Variants in CCDC158 observed in about 807,000 individuals in gnomAD.
CCDC158 encodes coiled-coil domain-containing protein 158.
CCDC158 carries 116 observed loss-of-function variants against 138.6 expected under a neutral mutation model. That is an observed-to-expected ratio of 0.84 (90% CI 0.72 to 0.98). The LOEUF is 0.98. CCDC158 is among the 50% of genes least tolerant of loss of function. CCDC158 has a pLI of 0.00. For missense variants in CCDC158, 1,265 were observed against 1,306.1 expected (o/e 0.97, Z 0.48); for synonymous variants, 436 against 442.4 (o/e 0.99, Z 0.18).
chr4:76,382,557 A>T lies in CCDC158; in HGVS notation c.914+53T>A, dbSNP rs1011313237. The T allele has an allele frequency of 1.9e-5, 21 of 1,085,888 alleles. 1 individual carries two copies. In the Admixed American group the frequency reaches 4.1e-4, roughly 21 times the overall value. The allele number at this position is 1,085,888 out of a possible 1,614,324, so 67.3% of individuals were successfully genotyped here. A position where few individuals can be genotyped will look rare whatever the true frequency, so the allele number is the denominator to read the frequency against. ...AAGATTATAGAACAGAAAGTTAATG[A>T]GAATAATATCTTTAAAATGAAGATG... is the stretch of plus-strand genomic sequence containing the variant. On this transcript the variant is annotated intron_variant, in intron 8 of 24. Coordinates refer to ENST00000682701, the MANE Select transcript of CCDC158 (RefSeq NM_001394954.1).
intron 17 of CCDC158, 142 bp downstream of exon 17, chr4:76,351,577 GT>G (rs1723042726): frequency 8.1e-6 from 5 of 617,260 alleles, no homozygotes; most frequent in African/African-American, 1.8e-5. Flanking sequence ...ATATAACAAT[GT>G]ACACATCTTA....
intron 9 of CCDC158, among the ~76,000 whole-genome samples, chr4:76,378,950 A>C (rs965090852): frequency 4.6e-5 from 7 of 152,154 alleles, no homozygotes; most frequent in Admixed American, 2.0e-4. Context: ...GGTAGGCCCC[A>C]AAAATATTGA....
At chr4:76,335,729 C>A (rs1447152183) in intron 18 of CCDC158, among the ~76,000 whole-genome samples, 1 of 152,116 alleles carries the variant, frequency 6.6e-6, no homozygotes, top group African/African-American at 2.4e-5. Flanking sequence ...TACAGGCCTG[C>A]ACCACCATGA....
intron 18 of CCDC158, among the ~76,000 whole-genome samples, chr4:76,342,420 G>A (rs1722143826): frequency 6.6e-6 from 1 of 152,116 alleles, no homozygotes; most frequent in South Asian, 2.1e-4. Flanking sequence ...TGTAAAACAG[G>A]TATAGTAATA....
chr4:76,396,212 TG>T, intron 4 of CCDC158, 56 bp downstream of exon 4: 1 of 1,238,346 alleles, frequency 8.1e-7, no homozygotes. Context: ...AACTACATAC[TG>T]GATCTCACTG....
At chr4:76,396,845 T>G (rs190866475) in intron 3 of CCDC158, among the ~76,000 whole-genome samples, 376 of 152,196 alleles carry the variant, frequency 2.5e-3, no homozygotes, top group Non-Finnish European at 3.9e-3. Context: ...TTAATTAACT[T>G]TTTCATAAAA....
intron 4 of CCDC158, among the ~76,000 whole-genome samples, chr4:76,394,259 A>G (rs537063096): frequency 1.3e-5 from 2 of 152,306 alleles, no homozygotes; most frequent in Admixed American, 6.5e-5. Flanking sequence ...ATGGATATAG[A>G]AAATGTGGTA....
intron 1 of CCDC158, among the ~76,000 whole-genome samples, chr4:76,420,584 G>T (rs1191040948): frequency 6.6e-6 from 1 of 152,190 alleles, no homozygotes; most frequent in Non-Finnish European, 1.5e-5. Context: ...TTCCGTCTTG[G>T]ATGCGAGGCT....
intron 24 of CCDC158, among the ~76,000 whole-genome samples, chr4:76,319,831 C>T (rs1719838469): frequency 6.6e-6 from 1 of 151,958 alleles, no homozygotes. Flanking sequence ...TCATAGCCAA[C>T]ATTATACTGA....
At chr4:76,335,026 T>C (rs1447285630) in intron 18 of CCDC158, among the ~76,000 whole-genome samples, 1 of 152,244 alleles carries the variant, frequency 6.6e-6, no homozygotes, top group Non-Finnish European at 1.5e-5. Context: ...GCTGAAGATA[T>C]GAGAGTTCCA....
At chr4:76,354,690 C>T (rs1207714812) in intron 15 of CCDC158, among the ~76,000 whole-genome samples, 2 of 152,150 alleles carry the variant, frequency 1.3e-5, no homozygotes, top group Non-Finnish European at 2.9e-5. Context: ...TACATGCACA[C>T]TCCTCAAACA....
At chr4:76,356,677 T>A (rs1723599572) in intron 14 of CCDC158, 1 of 152,176 alleles carries the variant, frequency 6.6e-6, no homozygotes, top group African/African-American at 2.4e-5. Context: ...CTTCTTTATA[T>A]CGTTCTAATT....
At chr4:76,384,698 T>G in intron 4 of CCDC158, 33 bp from the exon 5 acceptor site, 3 of 1,431,378 alleles carry the variant, frequency 2.1e-6, no homozygotes, top group Middle Eastern at 1.8e-4. Context: ...TTAATCTTCA[T>G]TAGAGAAACA....
At chr4:76,366,731 C>T (rs1249166511) in intron 12 of CCDC158, among the ~76,000 whole-genome samples, 1 of 151,782 alleles carries the variant, frequency 6.6e-6, no homozygotes, top group African/African-American at 2.4e-5. Context: ...GAGACCAAAA[C>T]AGGGGAAAGA....
intron 24 of CCDC158, among the ~76,000 whole-genome samples, chr4:76,321,782 T>A (rs1388022562): frequency 6.8e-6 from 1 of 146,352 alleles, no homozygotes; most frequent in Non-Finnish European, 1.5e-5. Flanking sequence ...ATATAATAAA[T>A]ATATATATGT....
In CCDC158 at chr4:76,421,074, C is replaced by G. The variant is rs1316225658; in HGVS notation, c.-226G>C. On this transcript the variant is annotated 5_prime_UTR_variant, in exon 1 of 25. Coordinates refer to ENST00000682701, the MANE Select transcript of CCDC158 (RefSeq NM_001394954.1). ...GCGGCTGGGACGGGGCGGCTCCCCA[C>G]TCTTCGCCCCTAGGCCCCGCGGAGG... Among the ~76,000 whole-genome samples the G allele has an allele frequency of 1.3e-5, 2 of 152,012 alleles. No homozygotes were observed. The highest frequency in any genetic ancestry group is 2.9e-5 in the Non-Finnish European group (2 of 67,970).
intron 3 of CCDC158, among the ~76,000 whole-genome samples, chr4:76,397,469 C>T (rs1011734208): frequency 6.6e-6 from 1 of 151,946 alleles, no homozygotes; most frequent in African/African-American, 2.4e-5. Flanking sequence ...AACTAATAAC[C>T]ACCTCACAGA....
At chr4:76,344,888 C>G in intron 18 of CCDC158, 1 of 1,561,980 alleles carries the variant, frequency 6.4e-7, no homozygotes, top group Non-Finnish European at 8.8e-7. Flanking sequence ...AACTGGAAGC[C>G]TAAGTGTTAG....
intron 17 of CCDC158, among the ~76,000 whole-genome samples, chr4:76,351,363 A>G (rs2110171216): frequency 6.6e-6 from 1 of 152,298 alleles, no homozygotes; most frequent in Non-Finnish European, 1.5e-5. Context: ...AAACAAGCAA[A>G]TATATTTGCA....
Sources: allele counts gnomAD v4.1 joint callset (sites outside exome capture counted in the v4.1 genomes callset), GRCh38; gene constraint gnomAD v4.1.1; transcripts MANE v1.5; gene names NCBI Gene and HGNC (gene_info 2026-07-23, HGNC 2026-07-21).